BIRC6: variants seen among roughly 807,000 people sequenced by gnomAD.
BIRC6 encodes baculoviral IAP repeat containing 6.
Under a neutral mutation model 503.3 loss-of-function variants are expected in BIRC6, and 98 were observed. The ratio of observed to expected loss-of-function variants is 0.19; its 90% CI spans 0.17 to 0.23. BIRC6 has a LOEUF of 0.23. BIRC6 is among the 10% of genes least tolerant of loss of function. The pLI is 1.00. For synonymous variants in BIRC6, 2,240 were observed against 2,078.7 expected (o/e 1.08, Z -2.11); for missense variants, 5,360 against 5,806.0 (o/e 0.92, Z 2.50).
intron 66 of BIRC6, among the ~76,000 whole-genome samples, chr2:32,578,562 GACTTGGGCTGATC>G (rs2060422025): frequency 6.6e-6 from 1 of 152,040 alleles, no homozygotes; most frequent in East Asian, 1.9e-4. Flanking sequence ...TTGATAGGCT[GACTTGGGCTGATC>G]ACTTGAGGCC....
Position 32,415,884 on chromosome 2 carries a change from G to T in BIRC6, c.2593G>T (p.Asp865Tyr), listed in dbSNP as rs772811050. The T allele has an allele frequency of 7.4e-6, 12 of 1,613,808 alleles. No homozygotes were observed. The Admixed American group carries it at 1.5e-4, about 20-fold the overall frequency. ...TACCTCGCTCATTTTGCTTCCACCC[G>T]ATATATTGGATAATCGAGAGGATGA... ...TITSLILLPP[D>Y]ILDNREDDCE... Residue 865 changes from aspartate to tyrosine, a missense_variant, in exon 10 of 74, where the codon GAT becomes TAT. Asp to Tyr is a radical substitution (Grantham distance 160). Transcript: ENST00000421745.
intron 65 of BIRC6, among the ~76,000 whole-genome samples, chr2:32,551,941 T>C (rs533351465): frequency 5.3e-5 from 8 of 152,202 alleles, no homozygotes; most frequent in African/African-American, 1.7e-4. Context: ...GACATTGTAT[T>C]CAAGGGATGA....
intron 50 of BIRC6, among the ~76,000 whole-genome samples, chr2:32,507,569 A>C (rs997443376): frequency 6.6e-6 from 1 of 152,208 alleles, no homozygotes; most frequent in Non-Finnish European, 1.5e-5. Flanking sequence ...TTTTTCCCCA[A>C]ATTATTTAAA....
At chr2:32,476,994 T>A (rs2149107498) in intron 34 of BIRC6, among the ~76,000 whole-genome samples, 1 of 152,342 alleles carries the variant, frequency 6.6e-6, no homozygotes, top group Admixed American at 6.5e-5. Flanking sequence ...TAACTCGAAT[T>A]AATATTTTGT....
intron 20 of BIRC6, among the ~76,000 whole-genome samples, chr2:32,445,026 G>A (rs1411325959): frequency 6.6e-6 from 1 of 152,144 alleles, no homozygotes; most frequent in Non-Finnish European, 1.5e-5. Flanking sequence ...AAGCAATGTC[G>A]ATCTGTACCT....
chr2:32,508,328 T>G, intron 51 of BIRC6, 69 bp downstream of exon 51: 2 of 1,416,880 alleles, frequency 1.4e-6, no homozygotes, highest in Non-Finnish European at 1.8e-6. Context: ...ATAGGGGACT[T>G]AATTATTTTG....
chr2:32,607,270 G>A (rs1229943595), intron 71 of BIRC6, among the ~76,000 whole-genome samples, 185 bp from the exon 72 acceptor site: 1 of 151,670 alleles, frequency 6.6e-6, no homozygotes, highest in Non-Finnish European at 1.5e-5. Flanking sequence ...TGGCTCTATT[G>A]TGCCTAATTT....
intron 9 of BIRC6, among the ~76,000 whole-genome samples, chr2:32,411,735 T>TCCCAAA (rs1558652280): frequency 6.6e-6 from 1 of 152,120 alleles, no homozygotes; most frequent in Non-Finnish European, 1.5e-5. Context: ...TGCCTTGGCC[T>TCCCAAA]CCCAAAGTAC....
At chr2:32,463,908 A>G (rs1484850810) in intron 24 of BIRC6, among the ~76,000 whole-genome samples, 1 of 152,192 alleles carries the variant, frequency 6.6e-6, no homozygotes, top group Non-Finnish European at 1.5e-5. Flanking sequence ...ATCTCCTTTT[A>G]GATCAGCAGG....
rs558876714 is a variant in BIRC6, at chr2:32,437,096, C to T, written c.3631+912C>T. On this transcript the variant is annotated intron_variant, in intron 15 of 73. Coordinates refer to ENST00000421745, the MANE Select transcript of BIRC6 (RefSeq NM_016252.4). ...GTGGAGGCGGGGTTTCATCATGTCG[C>T]CCAGGGTGATGTGGAACTCTTGAGC... Among the ~76,000 whole-genome samples, 212 of 151,634 alleles carry T rather than the reference C, an allele frequency of 1.4e-3. 1 individual carries two copies. Among genetic ancestry groups the T allele is most frequent in the African/African-American group, 4.9e-3 (203 of 41,318 alleles).
chr2:32,447,359 G>C (rs1312679162), intron 21 of BIRC6, among the ~76,000 whole-genome samples: 1 of 150,160 alleles, frequency 6.7e-6, no homozygotes, highest in African/African-American at 2.4e-5. Context: ...CCTCCCGGAT[G>C]GGGCGGCTGG....
At chr2:32,520,798 C>T (rs576753277) in intron 57 of BIRC6, among the ~76,000 whole-genome samples, 2 of 152,288 alleles carry the variant, frequency 1.3e-5, no homozygotes, top group South Asian at 4.1e-4. Flanking sequence ...GCCTGGACGA[C>T]AGAGCGAGAC....
chr2:32,549,374 A>T lies in BIRC6; in HGVS notation c.13037A>T (p.His4346Leu), dbSNP rs137991740. Residue 4346 changes from histidine (H) to leucine (L), a missense_variant, in exon 65 of 74, where the codon CAT becomes CTT. Transcript: ENST00000421745. ...SAVNGEAQSS[H>L]ETRGQNSNAL... ...GTAAATGGAGAAGCTCAGTCATCTC[A>T]TGAGACTAGAGGGCAGAACAGTAAT... The T allele has an allele frequency of 2.6e-6, 4 of 1,509,708 alleles. No homozygotes were observed. 93.5% of individuals were successfully genotyped at this position (1,509,708 alleles called of 1,614,324 possible). A position where few individuals can be genotyped will look rare whatever the true frequency, so the allele number is the denominator to read the frequency against.
At chr2:32,509,171 AAAAG>A (rs1036725206) in intron 51 of BIRC6, among the ~76,000 whole-genome samples, 1 of 152,208 alleles carries the variant, frequency 6.6e-6, no homozygotes, top group Non-Finnish European at 1.5e-5. Context: ...AATTGCATGT[AAAAG>A]AAAGTTTCTG....
rs116030761 is a variant in BIRC6, at chr2:32,357,043, C to T, written c.-119C>T. ...CCCGCCTCCCTCCCTGCTTCTCCCC[C>T]TCTCCCGTCAGCCTCCCTCCGAGTT... On this transcript the variant is annotated 5_prime_UTR_variant, in exon 1 of 74. Coordinates refer to ENST00000421745, the MANE Select transcript of BIRC6 (RefSeq NM_016252.4). The surrounding 1 kb of genome is among the most constrained non-coding windows in gnomAD (Gnocchi z 4.9). 6.4e-4 allele frequency: 583 copies of T among 908,250 alleles called. 3 individuals carry two copies. Among genetic ancestry groups the T allele is most frequent in the Middle Eastern group, 3.1e-3 (9 of 2,922 alleles). The allele number at this position is 908,250 out of a possible 1,614,324, so 56.3% of individuals were successfully genotyped here.
At position 32,429,230 on chromosome 2, in the gene BIRC6, A is replaced by G. The variant is rs926163803; in HGVS notation, c.2957A>G (p.Lys986Arg). The change falls in exon 11 of 74, where the codon AAA becomes AGA. Residue 986 changes from lysine (K) to arginine (R), a missense_variant. By Grantham distance (26) the Lys-to-Arg change is conservative. This residue lies in a region of BIRC6 where 700 missense variants were observed against 739.3 expected (regional missense o/e 0.95). Coordinates refer to ENST00000421745, the MANE Select transcript of BIRC6 (RefSeq NM_016252.4). ...ATACTAGTGGATGGATCTCTTTCTA[A>G]AGGAATAGAACCATCTTCAGAAGGT... ...ADILVDGSLSKGIEPSSEGSK... is the reference protein window; with the variant it reads ...ADILVDGSLSRGIEPSSEGSK... 1 of 1,563,830 alleles carries G rather than the reference A, an allele frequency of 6.4e-7. No homozygotes were observed. Among genetic ancestry groups the G allele is most frequent in the Non-Finnish European group, 8.7e-7 (1 of 1,152,318 alleles).
At chr2:32,560,968 G>A (rs1310715406) in intron 65 of BIRC6, among the ~76,000 whole-genome samples, 1 of 151,978 alleles carries the variant, frequency 6.6e-6, no homozygotes, top group Admixed American at 6.6e-5. Flanking sequence ...GGGAGGCCGA[G>A]GCGGGTGGAT....
intron 66 of BIRC6, 92 bp downstream of exon 66, chr2:32,575,458 G>A (rs955181111): frequency 1.6e-6 from 2 of 1,239,790 alleles, no homozygotes; most frequent in Non-Finnish European, 2.3e-6. Context: ...AGTGATATGT[G>A]CTTTTTAAAA....
intron 65 of BIRC6, among the ~76,000 whole-genome samples, chr2:32,561,611 G>T (rs2150703031): frequency 6.7e-6 from 1 of 149,578 alleles, no homozygotes; most frequent in South Asian, 2.1e-4. Context: ...ATTTTATTTT[G>T]ATTTTTTTTT....
Sources: allele counts gnomAD v4.1 joint callset (sites outside exome capture counted in the v4.1 genomes callset), GRCh38; gene constraint gnomAD v4.1.1; regional missense constraint gnomAD v4.1.1; non-coding constraint Gnocchi (gnomAD v3.1); transcripts MANE v1.5; gene names NCBI Gene and HGNC (gene_info 2026-07-23, HGNC 2026-07-21).